Variants in ADCY3 observed in about 807,000 individuals in gnomAD.
ADCY3 encodes adenylate cyclase 3, also known as adenylate cyclase type 3.
ADCY3 carries 70 observed loss-of-function variants against 119.4 expected under a neutral mutation model. The ratio of observed to expected loss-of-function variants is 0.59; its 90% CI spans 0.48 to 0.72. ADCY3 has a LOEUF of 0.72. ADCY3 is among the 30% of genes least tolerant of loss of function. The pLI is 0.00. For synonymous variants in ADCY3, 672 were observed against 621.4 expected (o/e 1.08, Z -1.21); for missense variants, 1,238 against 1,541.6 (o/e 0.80, Z 3.30).
intron 20 of ADCY3, 92 bp from the exon 21 acceptor site, chr2:24,820,940 G>A (rs1297721688): frequency 6.6e-7 from 1 of 1,524,646 alleles, no homozygotes; most frequent in Non-Finnish European, 8.9e-7. Context: ...GTACCACAAA[G>A]CTCCTAATGT....
intron 2 of ADCY3, among the ~76,000 whole-genome samples, chr2:24,914,526 T>A (rs1460778476): frequency 6.6e-6 from 1 of 151,936 alleles, no homozygotes; most frequent in African/African-American, 2.4e-5. Context: ...TACAAAAAAA[T>A]TAGCCAGACG....
At chr2:24,863,894 G>A (rs1673980051) in intron 3 of ADCY3, among the ~76,000 whole-genome samples, 1 of 152,156 alleles carries the variant, frequency 6.6e-6, no homozygotes, top group Non-Finnish European at 1.5e-5. Flanking sequence ...CCTTTGGGGA[G>A]GGTTTCCAAA....
intron 21 of ADCY3, 168 bp from the exon 22 acceptor site, chr2:24,820,282 G>A (rs921537817): frequency 1.0e-5 from 13 of 1,247,550 alleles, no homozygotes; most frequent in Admixed American, 3.5e-5. Context: ...GGCGAGCAGC[G>A]GGTGGGAAGG....
At chr2:24,910,237 C>G (rs1354687862) in intron 2 of ADCY3, among the ~76,000 whole-genome samples, 1 of 152,210 alleles carries the variant, frequency 6.6e-6, no homozygotes, top group African/African-American at 2.4e-5. Flanking sequence ...CGGTCTTGCT[C>G]TGTCACCCAG....
intron 3 of ADCY3, among the ~76,000 whole-genome samples, chr2:24,868,295 A>C (rs1346416974): frequency 2.0e-5 from 3 of 152,168 alleles, no homozygotes; most frequent in Non-Finnish European, 2.9e-5. Context: ...AAAACTTGTG[A>C]GATAAAGCTC....
At chr2:24,854,244 C>T (rs1298582174) in intron 3 of ADCY3, among the ~76,000 whole-genome samples, 2 of 152,160 alleles carry the variant, frequency 1.3e-5, no homozygotes, top group Non-Finnish European at 2.9e-5. Flanking sequence ...TATCTGTTGA[C>T]GTAAGATAGT....
chr2:24,909,204 G>A (rs988881239), intron 2 of ADCY3, among the ~76,000 whole-genome samples: 1 of 152,028 alleles, frequency 6.6e-6, no homozygotes, highest in Non-Finnish European at 1.5e-5. Context: ...GGCCCTCATG[G>A]TGCCACGCCT....
At chr2:24,865,743 T>C (rs1487135876) in intron 3 of ADCY3, among the ~76,000 whole-genome samples, 2 of 152,060 alleles carry the variant, frequency 1.3e-5, no homozygotes, top group Non-Finnish European at 2.9e-5. Context: ...AGAACAACTA[T>C]AAAAGCTGGA....
intron 3 of ADCY3, among the ~76,000 whole-genome samples, chr2:24,850,683 C>T (rs569397377): frequency 1.3e-5 from 2 of 152,196 alleles, no homozygotes; most frequent in East Asian, 1.9e-4. Flanking sequence ...AAAAGATATA[C>T]GTAGAAGGTG....
chr2:24,879,361 G>A (rs1240963974), intron 2 of ADCY3, among the ~76,000 whole-genome samples: 2 of 150,060 alleles, frequency 1.3e-5, no homozygotes, highest in Non-Finnish European at 3.0e-5. Flanking sequence ...GCTGAGGCAG[G>A]AGAACGGCAT....
chr2:24,834,422 C>T lies in ADCY3; in HGVS notation c.1967+63G>A, dbSNP rs540976540. On this transcript the variant is annotated intron_variant, in intron 11 of 21. Transcript: ENST00000679454. This position sits in a 1 kb window ranked among gnomAD's most constrained non-coding sequence, Gnocchi z 4.2. ...AGGCTCCCGCTGAGACACCTGCCCC[C>T]GCCCCCCGCCCGGCACCACCGCAGC... 27 of 1,001,730 alleles carry T rather than the reference C, an allele frequency of 2.7e-5. No individual in the cohort carries two copies. The East Asian group carries it at 3.0e-4, about 11-fold the overall frequency. The allele number at this position is 1,001,730 out of a possible 1,614,324, so 62.1% of individuals were successfully genotyped here. A position where few individuals can be genotyped will look rare whatever the true frequency, so the allele number is the denominator to read the frequency against.
intron 15 of ADCY3, 68 bp downstream of exon 15, chr2:24,827,478 C>A: frequency 6.6e-7 from 1 of 1,522,532 alleles, no homozygotes; most frequent in South Asian, 1.2e-5. Context: ...GGGCTTGGGC[C>A]TGTTATATTC....
rs780060996 is a variant in ADCY3 at position 24,918,837 on chromosome 2, G to A, written c.151C>T (p.Arg51Cys). The A allele has an allele frequency of 1.9e-6, 3 of 1,613,530 alleles. No homozygotes were observed. Among genetic ancestry groups the A allele is most frequent in the Admixed American group, 1.7e-5 (1 of 60,006 alleles). Residue 51 changes from arginine to cysteine, a missense_variant, in exon 2 of 22, where the codon CGC becomes TGC. Physicochemically the swap from Arg to Cys is radical, Grantham distance 180 (BLOSUM62 -3). Transcript: ENST00000679454. The surrounding 1 kb of genome is among the most constrained non-coding windows in gnomAD (Gnocchi z 5.4). The part of the protein sequence containing the change: ...RNSGSCLCLP[R>C]FMRLTFVPES... Reference sequence around the variant, plus strand: ...GGCACGAAAGTCAGCCGCATGAAGCGAGGCAGGCACAGGCAGGAGCCCGAG... The same window carrying A: ...GGCACGAAAGTCAGCCGCATGAAGCAAGGCAGGCACAGGCAGGAGCCCGAG...
At position 24,828,743 on chromosome 2, in the gene ADCY3, C is replaced by G. The variant is rs147810836; in HGVS notation, c.2173-582G>C. Among the ~76,000 whole-genome samples, 398 of 152,368 alleles carry G rather than the reference C, an allele frequency of 2.6e-3. 2 individuals carry two copies. The highest frequency in any genetic ancestry group is 9.3e-3 in the African/African-American group (385 of 41,586). Reference sequence around the variant, plus strand: ...TCACCCACAGGGCAACCTTGTCTTGCTTGCGCGATTCCCGCCATGTCATTC... The same window carrying G: ...TCACCCACAGGGCAACCTTGTCTTGGTTGCGCGATTCCCGCCATGTCATTC... On this transcript the variant is annotated intron_variant, in intron 13 of 21. Coordinates refer to ENST00000679454, the MANE Select transcript of ADCY3 (RefSeq NM_004036.5).
At chr2:24,830,336 A>G (rs1669315686) in intron 13 of ADCY3, among the ~76,000 whole-genome samples, 1 of 152,134 alleles carries the variant, frequency 6.6e-6, no homozygotes, top group Admixed American at 6.5e-5. Flanking sequence ...ACCGCGCCCA[A>G]CCAATTACCC....
chr2:24,860,259 C>A (rs947680464), intron 3 of ADCY3, among the ~76,000 whole-genome samples: 1 of 152,218 alleles, frequency 6.6e-6, no homozygotes, highest in Non-Finnish European at 1.5e-5. Flanking sequence ...AGGTCCCCAA[C>A]TAACCCCTGA....
intron 2 of ADCY3, among the ~76,000 whole-genome samples, chr2:24,883,315 T>C (rs1572983688): frequency 6.6e-6 from 1 of 151,674 alleles, no homozygotes; most frequent in African/African-American, 2.4e-5. Context: ...ACCACTGCCC[T>C]CCAGCCTGGG....
chr2:24,823,091 G>T, intron 18 of ADCY3, 118 bp downstream of exon 18: 3 of 1,302,800 alleles, frequency 2.3e-6, no homozygotes, highest in Admixed American at 5.6e-5. Context: ...CATGTATTGC[G>T]GAAGGGGCTT....
At chr2:24,827,869 A>G (rs373053710) in intron 14 of ADCY3, 33 bp downstream of exon 14, 11 of 1,612,132 alleles carry the variant, frequency 6.8e-6, no homozygotes, top group East Asian at 4.5e-5. Context: ...GAGGAAGGAG[A>G]CAATACAGAT....
Sources: gnomAD v4.1 joint callset for allele counts (sites outside exome capture counted in the v4.1 genomes callset) on GRCh38, gnomAD v4.1.1 for gene constraint, Gnocchi (gnomAD v3.1) non-coding constraint, MANE v1.5 for transcripts, NCBI Gene and HGNC (gene_info 2026-07-23, HGNC 2026-07-21) for gene names.